The following ATP8A1 variants were observed in gnomAD, a reference collection of about 807,000 sequenced individuals.
ATP8A1 encodes ATPase phospholipid transporting 8A1, also known as phospholipid-transporting ATPase IA.
In ATP8A1, 90 loss-of-function variants were observed where a neutral mutation model predicts 177.7. The ratio of observed to expected loss-of-function variants is 0.51; its 90% CI spans 0.43 to 0.60. ATP8A1 has a LOEUF of 0.60. Ranked by LOEUF, ATP8A1 falls within the 20% of genes least tolerant of loss-of-function variation. ATP8A1 has a pLI of 0.00. For missense variants in ATP8A1, 1,072 were observed against 1,392.8 expected, an observed-to-expected ratio of 0.77 and a Z score of 3.67; for synonymous variants, 493 against 485.9, an observed-to-expected ratio of 1.01 and a Z score of -0.19.
chr4:42,416,940 G>T (rs964509452), intron 35 of ATP8A1, among the ~76,000 whole-genome samples: 1 of 152,152 alleles, frequency 6.6e-6, no homozygotes, highest in Non-Finnish European at 1.5e-5. Flanking sequence ...CAACATAAGC[G>T]CAAGGTGAGA....
At chr4:42,518,662 T>G (rs145213525) in intron 22 of ATP8A1, among the ~76,000 whole-genome samples, 1,559 of 152,350 alleles carry the variant, frequency 0.01, 15 homozygotes, top group Middle Eastern at 0.027. Flanking sequence ...ATTCACTGTC[T>G]GACATGCTAA....
intron 18 of ATP8A1, among the ~76,000 whole-genome samples, 189 bp downstream of exon 18, chr4:42,551,009 T>C (rs1016753814): frequency 1.3e-5 from 2 of 152,230 alleles, no homozygotes; most frequent in African/African-American, 4.8e-5. Flanking sequence ...CATGTATTAA[T>C]AGTCACCTTT....
chr4:42,490,477 C>A (rs1334789504), intron 24 of ATP8A1, among the ~76,000 whole-genome samples: 1 of 152,176 alleles, frequency 6.6e-6, no homozygotes, highest in African/African-American at 2.4e-5. Flanking sequence ...CCTCAAGAGT[C>A]CAAATTTGGC....
intron 4 of ATP8A1, among the ~76,000 whole-genome samples, chr4:42,623,657 C>T (rs752915543): frequency 6.6e-6 from 1 of 151,868 alleles, no homozygotes; most frequent in East Asian, 1.9e-4. Flanking sequence ...TGAGAACACA[C>T]GGACACAGAG....
chr4:42,648,511 A>G (rs914721529), intron 1 of ATP8A1, among the ~76,000 whole-genome samples: 1 of 152,092 alleles, frequency 6.6e-6, no homozygotes, highest in Non-Finnish European at 1.5e-5. Context: ...AAAAACTTAG[A>G]TCCAGGCCTC....
chr4:42,421,851 T>C (rs1003178004), intron 35 of ATP8A1, among the ~76,000 whole-genome samples: 1 of 152,188 alleles, frequency 6.6e-6, no homozygotes, highest in Non-Finnish European at 1.5e-5. Context: ...ATAATTGTCT[T>C]TTATTATAGA....
At chr4:42,494,901 C>G (rs1270085052) in intron 24 of ATP8A1, among the ~76,000 whole-genome samples, 1 of 152,170 alleles carries the variant, frequency 6.6e-6, no homozygotes, top group Non-Finnish European at 1.5e-5. Flanking sequence ...CCACTGAGTT[C>G]ATTCTTAGGT....
chr4:42,535,834 T>C (rs1014402326), intron 20 of ATP8A1, among the ~76,000 whole-genome samples: 2 of 152,092 alleles, frequency 1.3e-5, no homozygotes, highest in African/African-American at 4.8e-5. Flanking sequence ...TGCAAATACA[T>C]GAAAATTAAA....
chr4:42,635,114 C>T (rs1476529409), intron 1 of ATP8A1, among the ~76,000 whole-genome samples: 2 of 151,552 alleles, frequency 1.3e-5, no homozygotes, highest in Non-Finnish European at 2.9e-5. Flanking sequence ...ATATAGACAG[C>T]AAAATAATAA....
intron 1 of ATP8A1, among the ~76,000 whole-genome samples, chr4:42,647,103 A>C (rs1047936816): frequency 8.8e-5 from 8 of 91,352 alleles, no homozygotes; most frequent in African/African-American, 2.9e-4. Context: ...TAAAACCTCT[A>C]AACTGCCAAG....
At chr4:42,542,828 C>G (rs1202230360) in intron 20 of ATP8A1, among the ~76,000 whole-genome samples, 2 of 152,096 alleles carry the variant, frequency 1.3e-5, no homozygotes, top group African/African-American at 4.8e-5. Flanking sequence ...TCTCTTTATT[C>G]CCTTATCACT....
chr4:42,535,897 A>G (rs188215026), intron 20 of ATP8A1, among the ~76,000 whole-genome samples: 1 of 152,234 alleles, frequency 6.6e-6, no homozygotes, highest in Admixed American at 6.5e-5. Context: ...GATGGAAATT[A>G]AAAAATGACT....
intron 25 of ATP8A1, among the ~76,000 whole-genome samples, chr4:42,471,646 T>C (rs548258961): frequency 6.6e-6 from 1 of 152,380 alleles, no homozygotes; most frequent in South Asian, 2.1e-4. Context: ...ATATTTATTA[T>C]GGTGTTCACA....
At chr4:42,432,930 A>G (rs779689900) in intron 33 of ATP8A1, among the ~76,000 whole-genome samples, 2 of 152,226 alleles carry the variant, frequency 1.3e-5, no homozygotes, top group Non-Finnish European at 2.9e-5. Flanking sequence ...AAATATAATT[A>G]TCTTCATGAC....
At chr4:42,629,678 A>C (rs1388892274) in intron 1 of ATP8A1, among the ~76,000 whole-genome samples, 1 of 152,242 alleles carries the variant, frequency 6.6e-6, no homozygotes, top group African/African-American at 2.4e-5. Flanking sequence ...AGCTAGCAGT[A>C]AACAGGCACA....
At chr4:42,474,410 G>A (rs10011746) in intron 25 of ATP8A1, among the ~76,000 whole-genome samples, 140 of 152,272 alleles carry the variant, frequency 9.2e-4, no homozygotes, top group African/African-American at 3.3e-3. Context: ...GTAGAGTTTG[G>A]CTTAGGTTTG....
intron 15 of ATP8A1, among the ~76,000 whole-genome samples, chr4:42,558,791 G>C (rs1166182134): frequency 6.6e-6 from 1 of 152,080 alleles, no homozygotes; most frequent in Non-Finnish European, 1.5e-5. Flanking sequence ...AAAAACTTAG[G>C]AATGGAAAAA....
intron 1 of ATP8A1, among the ~76,000 whole-genome samples, chr4:42,635,956 T>C (rs906515792): frequency 1.3e-5 from 2 of 151,504 alleles, no homozygotes; most frequent in African/African-American, 4.9e-5. Context: ...GTCCTCTCTG[T>C]GTTCAGCCTT....
chr4:42,572,924 G>A (rs962470656), intron 14 of ATP8A1, among the ~76,000 whole-genome samples: 1 of 152,046 alleles, frequency 6.6e-6, no homozygotes, highest in Non-Finnish European at 1.5e-5. Flanking sequence ...ATTTCCTCAG[G>A]AAGAAATTCA....
Sources: allele counts gnomAD v4.1 joint callset (sites outside exome capture counted in the v4.1 genomes callset), GRCh38; gene constraint gnomAD v4.1.1; transcripts MANE v1.5; gene names NCBI Gene and HGNC (gene_info 2026-07-23, HGNC 2026-07-21).